SNX9: variants seen among roughly 807,000 people sequenced by gnomAD.
SNX9 encodes sorting nexin 9.
A neutral mutation model predicts 89.4 loss-of-function variants in SNX9; 44 were observed. The observed-to-expected ratio is 0.49, with a 90% CI of 0.39 to 0.63. The LOEUF (loss-of-function observed/expected upper bound fraction) is 0.63, where lower values mean the gene tolerates loss of function less well. SNX9 is among the 30% of genes least tolerant of loss of function. The pLI, the probability that SNX9 is intolerant of heterozygous loss-of-function variation, is 0.00. For synonymous variants in SNX9, 236 were observed against 247.8 expected (o/e 0.95, Z 0.45); for missense variants, 578 against 736.1 (o/e 0.79, Z 2.49).
chr6:157,860,190 G>A (rs1295081937), intron 1 of SNX9, among the ~76,000 whole-genome samples: 1 of 152,038 alleles, frequency 6.6e-6, no homozygotes, highest in East Asian at 1.9e-4. Flanking sequence ...TTTTGACATG[G>A]CCTTAAAAAA....
chr6:157,870,781 G>A (rs1294447555), intron 2 of SNX9, among the ~76,000 whole-genome samples: 2 of 148,644 alleles, frequency 1.3e-5, no homozygotes, highest in East Asian at 2.0e-4. Flanking sequence ...ACACATATAT[G>A]CACTCACCCG....
intron 4 of SNX9, among the ~76,000 whole-genome samples, chr6:157,894,310 G>A (rs1349004245): frequency 4.6e-5 from 7 of 150,624 alleles, no homozygotes; most frequent in East Asian, 1.9e-4. Flanking sequence ...GGGTTTCACC[G>A]TGTTGGCCAG....
intron 1 of SNX9, among the ~76,000 whole-genome samples, chr6:157,857,181 C>T (rs977057597): frequency 6.6e-6 from 1 of 152,150 alleles, no homozygotes; most frequent in African/African-American, 2.4e-5. Flanking sequence ...GTCATTATCC[C>T]TATTGATGCT....
chr6:157,894,680 A>G (rs1021204007), intron 4 of SNX9, among the ~76,000 whole-genome samples: 5 of 152,202 alleles, frequency 3.3e-5, no homozygotes, highest in Non-Finnish European at 7.3e-5. Flanking sequence ...TACTTTTTAA[A>G]AAGAAGTATG....
At chr6:157,940,093 G>C (rs1298222111) in intron 16 of SNX9, among the ~76,000 whole-genome samples, 1 of 152,228 alleles carries the variant, frequency 6.6e-6, no homozygotes, top group Non-Finnish European at 1.5e-5. Flanking sequence ...CTCAGGGGCA[G>C]CAAGGCTTCC....
At chr6:157,892,530 T>A (rs545884835) in intron 4 of SNX9, among the ~76,000 whole-genome samples, 1 of 151,592 alleles carries the variant, frequency 6.6e-6, no homozygotes, top group South Asian at 2.1e-4. Context: ...AAAGATTTCA[T>A]AACTTAGGTG....
chr6:157,904,193 T>G (rs1053136641), intron 6 of SNX9, among the ~76,000 whole-genome samples: 1 of 152,184 alleles, frequency 6.6e-6, no homozygotes, highest in African/African-American at 2.4e-5. Context: ...CCTAGCACTT[T>G]GGGAGGCCGA....
At chr6:157,931,473 G>T (rs1341995024) in intron 12 of SNX9, among the ~76,000 whole-genome samples, 3 of 152,208 alleles carry the variant, frequency 2.0e-5, no homozygotes, top group African/African-American at 4.8e-5. Flanking sequence ...ACTCCATACA[G>T]ATGCAAAGAA....
At chr6:157,871,626 A>G (rs960573635) in intron 2 of SNX9, among the ~76,000 whole-genome samples, 4 of 152,194 alleles carry the variant, frequency 2.6e-5, no homozygotes, top group African/African-American at 9.7e-5. Context: ...ATGTATACCT[A>G]TGTAACAAAC....
intron 4 of SNX9, among the ~76,000 whole-genome samples, chr6:157,879,831 T>C (rs923870393): frequency 6.6e-6 from 1 of 152,244 alleles, no homozygotes; most frequent in African/African-American, 2.4e-5. Flanking sequence ...ACTGCTTCTT[T>C]AGAGTACTTA....
chr6:157,928,330 A>G (rs1472351460), intron 11 of SNX9, among the ~76,000 whole-genome samples: 1 of 152,246 alleles, frequency 6.6e-6, no homozygotes, highest in Non-Finnish European at 1.5e-5. Flanking sequence ...TAAGATATTC[A>G]AGAAATTATT....
chr6:157,838,170 G>A (rs1282908834), intron 1 of SNX9, among the ~76,000 whole-genome samples: 1 of 151,828 alleles, frequency 6.6e-6, no homozygotes, highest in Non-Finnish European at 1.5e-5. Context: ...GCATCACCAT[G>A]CCTGGCTAAT....
intron 1 of SNX9, among the ~76,000 whole-genome samples, chr6:157,857,310 A>G (rs1159451721): frequency 6.6e-6 from 1 of 152,178 alleles, no homozygotes. Context: ...AAGATGTTCC[A>G]GGCCCATCTT....
At chr6:157,852,972 A>G (rs1317910390) in intron 1 of SNX9, among the ~76,000 whole-genome samples, 2 of 152,070 alleles carry the variant, frequency 1.3e-5, no homozygotes, top group Non-Finnish European at 2.9e-5. Flanking sequence ...GTTTTCTTTC[A>G]GAAAAATTAA....
chr6:157,867,477 G>A (rs1782288249), intron 1 of SNX9, 70 bp from the exon 2 acceptor site: 2 of 1,266,184 alleles, frequency 1.6e-6, no homozygotes, highest in Admixed American at 1.7e-5. Context: ...AAAGTGAACT[G>A]TACACCTTTT....
At chr6:157,892,496 A>G (rs1272544583) in intron 4 of SNX9, among the ~76,000 whole-genome samples, 4 of 152,160 alleles carry the variant, frequency 2.6e-5, no homozygotes, top group Admixed American at 2.6e-4. Context: ...ACAAAACCAA[A>G]GAGATAGAAA....
rs1017373588 is a variant in SNX9 at position 157,943,745 on chromosome 6, C to G, written c.*907C>G. On this transcript the variant is annotated 3_prime_UTR_variant, in exon 18 of 18. Coordinates refer to ENST00000392185, the MANE Select transcript of SNX9 (RefSeq NM_016224.5). ...GGCCTGGGAGAAGGAGGGCACCCAG[C>G]ACCCCGGCGTCTCTGGCCCTTTCTT... is the stretch of plus-strand genomic sequence containing the variant. The G allele has an allele frequency of 6.6e-6, 1 of 152,430 alleles. No individual in the cohort carries two copies. The highest frequency in any genetic ancestry group is 2.4e-5 in the African/African-American group (1 of 41,452). 9.4% of individuals were successfully genotyped at this position (152,430 alleles called of 1,614,324 possible). A position where few individuals can be genotyped will look rare whatever the true frequency, so the allele number is the denominator to read the frequency against.
chr6:157,836,041 T>G (rs963405631), intron 1 of SNX9, among the ~76,000 whole-genome samples: 1 of 152,044 alleles, frequency 6.6e-6, no homozygotes, highest in African/African-American at 2.4e-5. Context: ...AAGCAATCCT[T>G]CTGCCTCAGC....
chr6:157,866,745 T>G (rs148958248), intron 1 of SNX9, among the ~76,000 whole-genome samples: 2 of 152,172 alleles, frequency 1.3e-5, no homozygotes, highest in African/African-American at 4.8e-5. Flanking sequence ...ATCATTCTTA[T>G]TAGATAAGGA....
Sources: gnomAD v4.1 joint callset for allele counts (sites outside exome capture counted in the v4.1 genomes callset) on GRCh38, gnomAD v4.1.1 for gene constraint, MANE v1.5 for transcripts, NCBI Gene and HGNC (gene_info 2026-07-23, HGNC 2026-07-21) for gene names.